The following ALPK2 variants were observed in gnomAD, a reference collection of about 807,000 sequenced individuals.
ALPK2 encodes alpha kinase 2, also known as alpha-protein kinase 2.
A neutral mutation model predicts 163.1 loss-of-function variants in ALPK2; 127 were observed. The observed-to-expected ratio is 0.78, with a 90% CI of 0.67 to 0.90. ALPK2 has a LOEUF of 0.90. Ranked by LOEUF, ALPK2 falls within the 40% of genes least tolerant of loss-of-function variation. ALPK2 has a pLI of 0.00. For missense variants in ALPK2, 2,360 were observed against 2,589.6 expected (o/e 0.91, Z 1.92); for synonymous variants, 953 against 959.1 (o/e 0.99, Z 0.12).
At chr18:58,582,384 T>C (rs1012684866) in intron 3 of ALPK2, among the ~76,000 whole-genome samples, 1 of 152,180 alleles carries the variant, frequency 6.6e-6, no homozygotes, top group African/African-American at 2.4e-5. Flanking sequence ...GTCAAGGGCC[T>C]GAGAATCTGC....
At chr18:58,569,199 C>T (rs533488154) in intron 4 of ALPK2, among the ~76,000 whole-genome samples, 1 of 152,136 alleles carries the variant, frequency 6.6e-6, no homozygotes, top group African/African-American at 2.4e-5. Flanking sequence ...GAGACCCAGT[C>T]TTGGGGGGGA....
At chr18:58,569,604 C>A (rs1403061406) in intron 4 of ALPK2, among the ~76,000 whole-genome samples, 1 of 152,208 alleles carries the variant, frequency 6.6e-6, no homozygotes, top group Non-Finnish European at 1.5e-5. Context: ...TGCACAACTG[C>A]AGGCACTAAT....
At chr18:58,613,442 C>T (rs1212227944) in intron 1 of ALPK2, among the ~76,000 whole-genome samples, 11 of 152,146 alleles carry the variant, frequency 7.2e-5, no homozygotes, top group Non-Finnish European at 7.4e-5. Context: ...CGCCTCTCAT[C>T]CCAGCACTTT....
At chr18:58,550,593 CATCCCCATCTATATCA>C (rs2051752123) in intron 4 of ALPK2, among the ~76,000 whole-genome samples, 1 of 149,974 alleles carries the variant, frequency 6.7e-6, no homozygotes, top group Non-Finnish European at 1.5e-5. Flanking sequence ...AGATACAACC[CATCCCCATCTATATCA>C]CATACAACCA....
intron 1 of ALPK2, among the ~76,000 whole-genome samples, chr18:58,625,855 T>A (rs76503715): frequency 6.6e-6 from 1 of 152,224 alleles, no homozygotes; most frequent in Non-Finnish European, 1.5e-5. Flanking sequence ...TTCGAGCTGA[T>A]GTCTGAAGTC....
At chr18:58,608,717 G>A (rs1339156285) in intron 2 of ALPK2, among the ~76,000 whole-genome samples, 2 of 152,172 alleles carry the variant, frequency 1.3e-5, no homozygotes, top group African/African-American at 4.8e-5. Context: ...GGAGGCCGAG[G>A]CAGGGGGGTG....
intron 10 of ALPK2, among the ~76,000 whole-genome samples, chr18:58,514,751 C>T (rs2051512159): frequency 6.6e-6 from 1 of 151,138 alleles, no homozygotes; most frequent in Non-Finnish European, 1.5e-5. Context: ...CCCATCCATC[C>T]ATCCATTCAT....
chr18:58,530,977 G>A (rs1438582904), intron 5 of ALPK2, among the ~76,000 whole-genome samples: 1 of 152,020 alleles, frequency 6.6e-6, no homozygotes, highest in Non-Finnish European at 1.5e-5. Flanking sequence ...GAGGCAGGAG[G>A]GTCACCTGAG....
At chr18:58,567,481 A>G (rs2051862073) in intron 4 of ALPK2, among the ~76,000 whole-genome samples, 2 of 152,174 alleles carry the variant, frequency 1.3e-5, no homozygotes, top group Admixed American at 6.5e-5. Flanking sequence ...TTCCAATGCA[A>G]ATAGTCCAGG....
chr18:58,499,995 G>T (rs566529198), intron 11 of ALPK2, among the ~76,000 whole-genome samples: 1 of 152,360 alleles, frequency 6.6e-6, no homozygotes, highest in East Asian at 1.9e-4. Flanking sequence ...TCTGCTGGGA[G>T]CATGGCAAAA....
rs1194026600 is a variant in ALPK2 at position 58,504,895 on chromosome 18, G to A, written c.6030-747C>T. Among the ~76,000 whole-genome samples, 6 of 152,212 alleles carry A rather than the reference G, an allele frequency of 3.9e-5. No homozygotes were observed. The East Asian group carries it at 5.8e-4, about 15-fold the overall frequency. On this transcript the variant is annotated intron_variant, in intron 10 of 12. Transcript: ENST00000361673. ...CATCGACGGTAGAGCATTCCAGGTCGAAGGCACCCCAAGGAGAAATGCTCA... is the reference window on the plus strand; with the variant it reads ...CATCGACGGTAGAGCATTCCAGGTCAAAGGCACCCCAAGGAGAAATGCTCA...
intron 3 of ALPK2, among the ~76,000 whole-genome samples, chr18:58,586,005 T>A (rs180752776): frequency 9.6e-4 from 146 of 152,300 alleles, no homozygotes; most frequent in African/African-American, 3.5e-3. Flanking sequence ...TTTAAGTGCA[T>A]CTTTTACCCA....
chr18:58,543,337 G>C (rs1401195132), intron 4 of ALPK2: 2 of 984,732 alleles, frequency 2.0e-6, no homozygotes, highest in African/African-American at 3.5e-5. Flanking sequence ...AACGGACTAA[G>C]TCACAGAGGG....
rs761740876 is a variant in ALPK2, at chr18:58,535,401, C to T, written c.4786G>A (p.Gly1596Arg). The T allele has an allele frequency of 6.2e-7, 1 of 1,614,038 alleles. No individual in the cohort carries two copies. The highest frequency in any genetic ancestry group is 1.3e-5 in the African/African-American group (1 of 74,912). The change falls in exon 5 of 13, where the codon GGG becomes AGG. Residue 1596 changes from glycine (G) to arginine (R), a missense_variant. Transcript: ENST00000361673. ...TCAGGAGAAGAGGGCAAAGGTTTCCCACGCTCATTCTCAATAGTTCCCCTT... is the reference window on the plus strand; with the variant it reads ...TCAGGAGAAGAGGGCAAAGGTTTCCTACGCTCATTCTCAATAGTTCCCCTT... ...QKRGTIENER[G>R]KPLPSSPDLT... is the part of the protein sequence containing the mutation.
intron 4 of ALPK2, among the ~76,000 whole-genome samples, chr18:58,554,285 C>A (rs1396568661): frequency 6.6e-6 from 1 of 152,158 alleles, no homozygotes; most frequent in Admixed American, 6.5e-5. Flanking sequence ...ATGTGGAAGA[C>A]AAAGGCAGTC....
At chr18:58,484,446 T>C (rs998324026) in intron 12 of ALPK2, among the ~76,000 whole-genome samples, 2 of 152,124 alleles carry the variant, frequency 1.3e-5, no homozygotes, top group African/African-American at 4.8e-5. Flanking sequence ...ACCTGGACAA[T>C]AATTGGTGGG....
chr18:58,559,600 G>T (rs756853881), intron 4 of ALPK2, among the ~76,000 whole-genome samples: 15 of 152,180 alleles, frequency 9.9e-5, no homozygotes, highest in Non-Finnish European at 1.6e-4. Context: ...AGGGCCCGGG[G>T]ATTCTATAGT....
intron 1 of ALPK2, among the ~76,000 whole-genome samples, chr18:58,616,570 G>A (rs1439624638): frequency 6.6e-6 from 1 of 152,130 alleles, no homozygotes; most frequent in African/African-American, 2.4e-5. Context: ...AAAAGGACAG[G>A]GTCTGGGGAG....
chr18:58,619,360 T>C (rs957840353), intron 1 of ALPK2, among the ~76,000 whole-genome samples: 19 of 152,182 alleles, frequency 1.2e-4, no homozygotes, highest in Admixed American at 3.3e-4. Flanking sequence ...AGCCTGCAAG[T>C]GGCAGAGCTG....
Sources: gnomAD v4.1 joint callset for allele counts (sites outside exome capture counted in the v4.1 genomes callset) on GRCh38, gnomAD v4.1.1 for gene constraint, MANE v1.5 for transcripts, NCBI Gene and HGNC (gene_info 2026-07-23, HGNC 2026-07-21) for gene names.